The following RALYL variants were observed in gnomAD, a reference collection of about 807,000 sequenced individuals.
The protein encoded by RALYL is RNA-binding Raly-like protein.
A neutral mutation model predicts 35.1 loss-of-function variants in RALYL; 29 were observed. The ratio of observed to expected loss-of-function variants is 0.83; its 90% CI spans 0.61 to 1.13. The LOEUF is 1.13. RALYL is among the 50% of genes most tolerant of loss of function. The pLI, the probability that RALYL is intolerant of heterozygous loss-of-function variation, is 0.00. For missense variants in RALYL, 359 were observed against 360.4 expected, an observed-to-expected ratio of 1.00 and a Z score of 0.03; for synonymous variants, 120 against 127.6, an observed-to-expected ratio of 0.94 and a Z score of 0.40.
intron 2 of RALYL, among the ~76,000 whole-genome samples, chr8:84,687,679 T>A (rs142100952): frequency 6.6e-6 from 1 of 152,142 alleles, no homozygotes; most frequent in African/African-American, 2.4e-5. Flanking sequence ...TGTAGTACAC[T>A]GAATTTTTTA....
At chr8:84,576,156 G>A (rs977523499) in intron 2 of RALYL, among the ~76,000 whole-genome samples, 4 of 151,940 alleles carry the variant, frequency 2.6e-5, no homozygotes, top group Non-Finnish European at 4.4e-5. Context: ...GCGTTTACTT[G>A]CTTGTTTAAA....
chr8:84,296,623 ATTTTTTTTT>A (rs397891420), intron 1 of RALYL, among the ~76,000 whole-genome samples: 4,682 of 76,832 alleles, frequency 0.061, 110 homozygotes, highest in East Asian at 0.21. Flanking sequence ...TCTCTCTTGC[ATTTTTTTTT>A]TTTTTTTTTT....
intron 2 of RALYL, among the ~76,000 whole-genome samples, chr8:84,551,407 C>T (rs2135431475): frequency 6.6e-6 from 1 of 152,122 alleles, no homozygotes; most frequent in East Asian, 1.9e-4. Flanking sequence ...TGGCTACAGT[C>T]CTGGAGTGCA....
intron 2 of RALYL, among the ~76,000 whole-genome samples, chr8:84,747,904 G>A (rs2133158569): frequency 1.3e-5 from 2 of 151,988 alleles, no homozygotes; most frequent in East Asian, 3.9e-4. Flanking sequence ...TTCAAACCAA[G>A]TTACAAGTAA....
At chr8:84,223,594 T>C (rs1823066557) in intron 1 of RALYL, among the ~76,000 whole-genome samples, 1 of 152,196 alleles carries the variant, frequency 6.6e-6, no homozygotes, top group Non-Finnish European at 1.5e-5. Flanking sequence ...TGCCTTAATC[T>C]ACACAATGCA....
intron 1 of RALYL, among the ~76,000 whole-genome samples, chr8:84,301,941 G>A (rs1840874470): frequency 6.6e-6 from 1 of 151,926 alleles, no homozygotes; most frequent in African/African-American, 2.4e-5. Context: ...TGCTAATAGA[G>A]GATTTTCATT....
chr8:84,769,216 A>T (rs1039358432), intron 2 of RALYL, among the ~76,000 whole-genome samples: 1 of 150,798 alleles, frequency 6.6e-6, no homozygotes, highest in Admixed American at 6.6e-5. Context: ...ACTGTGTCAC[A>T]TCTAAAAGAT....
chr8:84,202,373 T>C (rs1273268841), intron 1 of RALYL, among the ~76,000 whole-genome samples: 77 of 146,716 alleles, frequency 5.2e-4, no homozygotes, highest in African/African-American at 1.8e-3. Context: ...AGGGATTTTT[T>C]TTTTTTTTTT....
chr8:84,443,722 A>G (rs1253268034), intron 1 of RALYL, among the ~76,000 whole-genome samples: 2 of 152,110 alleles, frequency 1.3e-5, no homozygotes, highest in African/African-American at 4.8e-5. Context: ...TTTGGGGTAC[A>G]GTATCTTCTT....
intron 2 of RALYL, among the ~76,000 whole-genome samples, chr8:84,674,978 T>TA (rs557848615): frequency 0.026 from 3,691 of 143,164 alleles, 136 homozygotes; most frequent in African/African-American, 0.084. Context: ...AGTGCAGATG[T>TA]AAAAAAAAAA....
chr8:84,857,322 G>T (rs1364998431), intron 5 of RALYL, among the ~76,000 whole-genome samples: 2 of 152,082 alleles, frequency 1.3e-5, no homozygotes, highest in Non-Finnish European at 2.9e-5. Flanking sequence ...GCCCCCTAGG[G>T]AAGACCAAAT....
chr8:84,845,570 A>G (rs544534820), intron 4 of RALYL, among the ~76,000 whole-genome samples: 158 of 151,964 alleles, frequency 1.0e-3, no homozygotes, highest in Non-Finnish European at 3.8e-4. Flanking sequence ...TGGATATTAG[A>G]CCTTTGTCAG....
intron 1 of RALYL, among the ~76,000 whole-genome samples, chr8:84,310,290 C>T (rs2129801807): frequency 6.6e-6 from 1 of 152,026 alleles, no homozygotes; most frequent in South Asian, 2.1e-4. Flanking sequence ...CCACCTGCCT[C>T]AGCCTTCCAA....
At chr8:84,613,436 A>T (rs1588507511) in intron 2 of RALYL, among the ~76,000 whole-genome samples, 1 of 151,532 alleles carries the variant, frequency 6.6e-6, no homozygotes, top group Admixed American at 6.6e-5. Flanking sequence ...ATAACCATAG[A>T]ATCCACCGGA....
At chr8:84,887,318 C>T (rs570395208) in intron 7 of RALYL, among the ~76,000 whole-genome samples, 2 of 152,096 alleles carry the variant, frequency 1.3e-5, no homozygotes, top group Non-Finnish European at 2.9e-5. Context: ...CCAGAAAGAT[C>T]AATCTGTTTA....
intron 2 of RALYL, among the ~76,000 whole-genome samples, chr8:84,655,030 TG>T (rs1829687030): frequency 1.3e-5 from 2 of 152,140 alleles, no homozygotes; most frequent in Admixed American, 1.3e-4. Flanking sequence ...TTCTTCATAG[TG>T]GATTGTTCTA....
At chr8:84,579,235 G>T (rs1810259879) in intron 2 of RALYL, among the ~76,000 whole-genome samples, 2 of 152,206 alleles carry the variant, frequency 1.3e-5, no homozygotes, top group Non-Finnish European at 1.5e-5. Flanking sequence ...ACGTGGCCAG[G>T]TTGCAACAGC....
At position 84,248,216 on chromosome 8, in the gene RALYL, T is replaced by C. The variant is rs549022212; in HGVS notation, c.-24+63792T>C. Reference sequence around the variant, plus strand: ...TTGGCTACATCAGGCCATCATGAGATATCTCTTTAGGATGCTCATAAATAA... The same window carrying C: ...TTGGCTACATCAGGCCATCATGAGACATCTCTTTAGGATGCTCATAAATAA... On this transcript the variant is annotated intron_variant, in intron 1 of 8. Coordinates refer to ENST00000521268, the MANE Select transcript of RALYL (RefSeq NM_173848.7). 2.6e-5 allele frequency among the ~76,000 whole-genome samples: 4 copies of C among 152,248 alleles called. No individual in the cohort carries two copies. The South Asian group carries it at 6.2e-4, about 24-fold the overall frequency.
chr8:84,184,814 C>A, intron 1 of RALYL: 1 of 634,324 alleles, frequency 1.6e-6, no homozygotes, highest in Non-Finnish European at 2.8e-6. Flanking sequence ...GTGTACGTGG[C>A]GCTGGCCGTC....
Sources: allele counts gnomAD v4.1 joint callset (sites outside exome capture counted in the v4.1 genomes callset), GRCh38; gene constraint gnomAD v4.1.1; transcripts MANE v1.5; gene names NCBI Gene and HGNC (gene_info 2026-07-23, HGNC 2026-07-21).